Variants in ALK observed in about 807,000 individuals in gnomAD.
The protein encoded by ALK is ALK receptor tyrosine kinase.
In ALK, 74 loss-of-function variants were observed where a neutral mutation model predicts 163.1. That is an observed-to-expected ratio of 0.45 (90% CI 0.38 to 0.55). ALK has a LOEUF of 0.55. ALK is among the 20% of genes least tolerant of loss of function. The pLI is 0.00. For synonymous variants in ALK, 960 were observed against 843.2 expected (o/e 1.14, Z -2.40); for missense variants, 2,063 against 2,105.3 (o/e 0.98, Z 0.39).
At chr2:29,247,639 A>G (rs1664715745) in intron 12 of ALK, among the ~76,000 whole-genome samples, 2 of 152,128 alleles carry the variant, frequency 1.3e-5, no homozygotes. Flanking sequence ...ACCAGCTAAG[A>G]GTGGGGGTGT....
chr2:29,468,034 A>ATTT lies in ALK; in HGVS notation c.1154+63878_1154+63880dup, dbSNP rs200416113. 8.8e-3 allele frequency among the ~76,000 whole-genome samples: 1,298 copies of ATTT among 146,896 alleles called. 20 individuals carry two copies. Among genetic ancestry groups the ATTT allele is most frequent in the African/African-American group, 0.029 (1,162 of 40,216 alleles). On this transcript the variant is annotated intron_variant, in intron 4 of 28. Coordinates refer to ENST00000389048, the MANE Select transcript of ALK (RefSeq NM_004304.5). Reference sequence around the variant, plus strand: ...ACAAAATTCTTTGGGGTCCTCAATAATTTTTTTTTTTTTTGAGATAGAGTC... The same window carrying ATTT: ...ACAAAATTCTTTGGGGTCCTCAATAATTTTTTTTTTTTTTTTTGAGATAGAGTC...
chr2:29,255,611 C>T (rs1268080346), intron 11 of ALK, among the ~76,000 whole-genome samples: 1 of 152,068 alleles, frequency 6.6e-6, no homozygotes, highest in Non-Finnish European at 1.5e-5. Flanking sequence ...GAGGGTTCCT[C>T]CTTCTCGGTC....
chr2:29,880,829 A>T (rs1280679281), intron 1 of ALK, among the ~76,000 whole-genome samples: 1 of 152,170 alleles, frequency 6.6e-6, no homozygotes, highest in African/African-American at 2.4e-5. Context: ...GGCTGGAAGC[A>T]AGGTTTTGTG....
intron 4 of ALK, among the ~76,000 whole-genome samples, chr2:29,445,792 A>G (rs1670659563): frequency 2.0e-5 from 3 of 152,012 alleles, no homozygotes; most frequent in African/African-American, 7.3e-5. Context: ...ATTGCACTCC[A>G]GCGTGGGCAA....
Position 29,296,926 on chromosome 2 carries a change from C to A in ALK, c.1779G>T (p.Trp593Cys). The part of the protein sequence containing the change: ...HVAAYEGLSL[W>C]QWMVLPLLDV... ...CGAGGAGAGGCAACACCATCCACTGCCACAGGCTCAAGCCTTCATAGGCGG... is the reference window on the plus strand; with the variant it reads ...CGAGGAGAGGCAACACCATCCACTGACACAGGCTCAAGCCTTCATAGGCGG... The change falls in exon 9 of 29, where the codon TGG becomes TGT. Residue 593 changes from tryptophan to cysteine, a missense_variant. This residue lies in a region of ALK where 987 missense variants were observed against 939.5 expected (regional missense o/e 1.05). Coordinates refer to ENST00000389048, the MANE Select transcript of ALK (RefSeq NM_004304.5). The A allele has an allele frequency of 6.2e-7, 1 of 1,614,208 alleles. No homozygotes were observed. The highest frequency in any genetic ancestry group is 1.3e-5 in the African/African-American group (1 of 75,074).
chr2:29,436,303 C>G (rs1385599442), intron 4 of ALK, among the ~76,000 whole-genome samples: 1 of 152,152 alleles, frequency 6.6e-6, no homozygotes, highest in African/African-American at 2.4e-5. Flanking sequence ...GCCACATGCT[C>G]CTGTCTGAGA....
At chr2:29,422,342 T>C (rs1670034716) in intron 4 of ALK, among the ~76,000 whole-genome samples, 2 of 150,404 alleles carry the variant, frequency 1.3e-5, no homozygotes, top group Admixed American at 1.3e-4. Context: ...GAAAGAGGCT[T>C]GTGAATGACT....
intron 3 of ALK, among the ~76,000 whole-genome samples, chr2:29,534,013 A>G (rs1673184919): frequency 6.6e-6 from 1 of 152,214 alleles, no homozygotes; most frequent in African/African-American, 2.4e-5. Flanking sequence ...GGACAAAGGT[A>G]GATGATGTTT....
intron 11 of ALK, among the ~76,000 whole-genome samples, chr2:29,257,203 A>T (rs1009178865): frequency 6.7e-6 from 1 of 150,002 alleles, no homozygotes; most frequent in African/African-American, 2.5e-5. Flanking sequence ...CTCTTCTCTC[A>T]AACAAACAAA....
chr2:29,855,061 G>A (rs1350151898), intron 1 of ALK, among the ~76,000 whole-genome samples: 2 of 152,094 alleles, frequency 1.3e-5, no homozygotes, highest in East Asian at 3.9e-4. Context: ...TGTGCTACAT[G>A]AGGGCAGGGA....
At chr2:29,671,332 C>T (rs865927779) in intron 3 of ALK, among the ~76,000 whole-genome samples, 1 of 152,044 alleles carries the variant, frequency 6.6e-6, no homozygotes, top group Non-Finnish European at 1.5e-5. Flanking sequence ...GCCCAGGGAA[C>T]CTGTGAAATG....
intron 7 of ALK, among the ~76,000 whole-genome samples, chr2:29,318,802 G>T (rs1371226476): frequency 6.6e-6 from 1 of 152,116 alleles, no homozygotes; most frequent in Non-Finnish European, 1.5e-5. Context: ...TCCTGACCTG[G>T]TGATCTGCCC....
intron 18 of ALK, 112 bp from the exon 19 acceptor site, chr2:29,225,677 A>G (rs1573129313): frequency 1.2e-6 from 1 of 855,978 alleles, no homozygotes; most frequent in African/African-American, 1.7e-5. Flanking sequence ...GCTCCTTCCC[A>G]TCGCTGGAGA....
chr2:29,542,697 T>C (rs765306247), intron 3 of ALK, among the ~76,000 whole-genome samples: 1 of 152,190 alleles, frequency 6.6e-6, no homozygotes, highest in Non-Finnish European at 1.5e-5. Flanking sequence ...GCTTTTGGGA[T>C]CTTTCTTTAA....
At chr2:29,272,791 C>A (rs1291050155) in intron 11 of ALK, among the ~76,000 whole-genome samples, 1 of 152,198 alleles carries the variant, frequency 6.6e-6, no homozygotes, top group African/African-American at 2.4e-5. Context: ...CTCTTCCCTG[C>A]TCTTTTCCAT....
chr2:29,462,842 T>G (rs1005771286), intron 4 of ALK, among the ~76,000 whole-genome samples: 3 of 152,204 alleles, frequency 2.0e-5, no homozygotes, highest in African/African-American at 7.2e-5. Flanking sequence ...AAATGATTCC[T>G]ATTTTCCCCA....
chr2:29,293,462 T>C (rs1341774049), intron 9 of ALK, among the ~76,000 whole-genome samples: 1 of 152,222 alleles, frequency 6.6e-6, no homozygotes, highest in South Asian at 2.1e-4. Context: ...TAAATTATTA[T>C]AGGGATGTTT....
intron 4 of ALK, among the ~76,000 whole-genome samples, chr2:29,440,889 G>T (rs2148081179): frequency 6.6e-6 from 1 of 152,324 alleles, no homozygotes; most frequent in South Asian, 2.1e-4. Flanking sequence ...ACAGATCCTT[G>T]TGTATGGACT....
At chr2:29,330,505 G>C (rs530267605) in intron 5 of ALK, among the ~76,000 whole-genome samples, 1 of 152,282 alleles carries the variant, frequency 6.6e-6, no homozygotes, top group South Asian at 2.1e-4. Flanking sequence ...CCCAGGCCTA[G>C]CCAGTGCCTG....
Sources: gnomAD v4.1 joint callset for allele counts (sites outside exome capture counted in the v4.1 genomes callset) on GRCh38, gnomAD v4.1.1 for gene constraint, gnomAD v4.1.1 regional missense constraint, MANE v1.5 for transcripts, NCBI Gene and HGNC (gene_info 2026-07-23, HGNC 2026-07-21) for gene names.